VAV3: variants seen among roughly 807,000 people sequenced by gnomAD.
The protein encoded by VAV3 is guanine nucleotide exchange factor VAV3.
Under a neutral mutation model 131.2 loss-of-function variants are expected in VAV3, and 94 were observed. The observed-to-expected ratio is 0.72, with a 90% CI of 0.61 to 0.85. The LOEUF (loss-of-function observed/expected upper bound fraction) is 0.85. Among genes scored for constraint, VAV3 ranks in the 40% least tolerant of loss-of-function variants. The pLI is 0.00. For synonymous variants in VAV3, 349 were observed against 342.0 expected (o/e 1.02, Z -0.22); for missense variants, 939 against 1,002.7 (o/e 0.94, Z 0.86).
At chr1:107,593,298 A>G (rs1475139928) in intron 25 of VAV3, among the ~76,000 whole-genome samples, 1 of 152,138 alleles carries the variant, frequency 6.6e-6, no homozygotes, top group Non-Finnish European at 1.5e-5. Flanking sequence ...TTCTACGAAC[A>G]TTCTAACCTA....
intron 2 of VAV3, among the ~76,000 whole-genome samples, chr1:107,869,594 G>A (rs1670162086): frequency 1.3e-5 from 2 of 152,108 alleles, no homozygotes; most frequent in South Asian, 4.1e-4. Context: ...CTAATAGGGA[G>A]CTTAACTGGA....
At chr1:107,620,643 GCTGA>G (rs1304628754) in intron 20 of VAV3, among the ~76,000 whole-genome samples, 2 of 152,144 alleles carry the variant, frequency 1.3e-5, no homozygotes, top group African/African-American at 4.8e-5. Flanking sequence ...CAAGGATTAA[GCTGA>G]CTGTTTCTAT....
chr1:107,657,481 AGAAAAGGACG>A (rs1656656113), intron 19 of VAV3, among the ~76,000 whole-genome samples: 1 of 152,222 alleles, frequency 6.6e-6, no homozygotes, highest in South Asian at 2.1e-4. Flanking sequence ...TGAGCACTAT[AGAAAAGGACG>A]GCTAAGAAAG....
At chr1:107,844,520 T>A (rs1420135633) in intron 2 of VAV3, among the ~76,000 whole-genome samples, 1 of 152,176 alleles carries the variant, frequency 6.6e-6, no homozygotes, top group Non-Finnish European at 1.5e-5. Context: ...CCGAGTGGTC[T>A]TGCTCATCAG....
intron 2 of VAV3, among the ~76,000 whole-genome samples, chr1:107,830,976 C>T (rs1668223217): frequency 6.6e-6 from 1 of 152,182 alleles, no homozygotes. Flanking sequence ...AAAATCTTCA[C>T]TCACTATAAG....
chr1:107,805,661 T>G lies in VAV3; in HGVS notation c.322-26169A>C, dbSNP rs1430192869. Among the ~76,000 whole-genome samples the G allele has an allele frequency of 3.3e-5, 5 of 152,336 alleles. No individual in the cohort carries two copies. The East Asian group carries it at 9.6e-4, about 29-fold the overall frequency. ...TTGCTGTTTCATTAGGTTTGGTCAC[T>G]GGTTCCCTTCTTTGTCCATTTGGGG... is the stretch of plus-strand genomic sequence containing the variant. On this transcript the variant is annotated intron_variant, in intron 2 of 26. Transcript: ENST00000370056.
At chr1:107,671,691 GA>G (rs1657804754) in intron 19 of VAV3, among the ~76,000 whole-genome samples, 1 of 152,018 alleles carries the variant, frequency 6.6e-6, no homozygotes, top group Admixed American at 6.6e-5. Flanking sequence ...GAGCTACTCT[GA>G]ACTCAAAAGG....
At chr1:107,809,721 T>C (rs1667230052) in intron 2 of VAV3, among the ~76,000 whole-genome samples, 1 of 152,200 alleles carries the variant, frequency 6.6e-6, no homozygotes, top group South Asian at 2.1e-4. Flanking sequence ...ACAATGCATT[T>C]TTGTAGGCAA....
At chr1:107,642,894 A>T (rs1238059555) in intron 19 of VAV3, 139 bp from the exon 20 acceptor site, 22 of 1,190,292 alleles carry the variant, frequency 1.8e-5, no homozygotes, top group Non-Finnish European at 1.7e-5. Context: ...AAGTAACTAT[A>T]ATAGAATGAT....
At chr1:107,757,179 G>GTC (rs1664155003) in intron 11 of VAV3, 82 bp downstream of exon 11, 2 of 839,428 alleles carry the variant, frequency 2.4e-6, no homozygotes, top group Non-Finnish European at 3.9e-6. Context: ...GTGTGTGTGT[G>GTC]TGTGTGTGTA....
chr1:107,666,572 C>CT (rs561256376), intron 19 of VAV3, among the ~76,000 whole-genome samples: 50,318 of 138,230 alleles, frequency 0.36, 9,769 homozygotes, highest in African/African-American at 0.5. Context: ...TCATTTGAGA[C>CT]TTTTTTTTTT....
chr1:107,788,756 C>A (rs72981429), intron 2 of VAV3, among the ~76,000 whole-genome samples: 2 of 152,230 alleles, frequency 1.3e-5, no homozygotes, highest in African/African-American at 4.8e-5. Context: ...AAACTTAGTA[C>A]GCAAATGATA....
intron 15 of VAV3, among the ~76,000 whole-genome samples, chr1:107,741,137 C>T (rs890651808): frequency 2.6e-5 from 4 of 152,218 alleles, no homozygotes; most frequent in Non-Finnish European, 5.9e-5. Flanking sequence ...CATGCAGATA[C>T]TGTAGGCATC....
chr1:107,930,664 ATTGT>A (rs1673388726), intron 1 of VAV3, among the ~76,000 whole-genome samples: 3 of 152,310 alleles, frequency 2.0e-5, no homozygotes, highest in African/African-American at 7.2e-5. Context: ...GTCCTAAAAA[ATTGT>A]TTTAGGCAAA....
At chr1:107,889,159 G>GTGTGTC (rs1416925890) in intron 1 of VAV3, among the ~76,000 whole-genome samples, 15 of 151,618 alleles carry the variant, frequency 9.9e-5, no homozygotes, top group Admixed American at 8.5e-4. Flanking sequence ...GTGTGTGTGT[G>GTGTGTC]TGTGTGTGTG....
intron 1 of VAV3, among the ~76,000 whole-genome samples, chr1:107,941,127 CACTT>C (rs1018536271): frequency 6.6e-6 from 1 of 152,148 alleles, no homozygotes; most frequent in African/African-American, 2.4e-5. Flanking sequence ...GAGCATCACT[CACTT>C]CTTTCAAAGT....
intron 21 of VAV3, among the ~76,000 whole-genome samples, chr1:107,614,539 C>A (rs563872831): frequency 6.6e-6 from 1 of 151,822 alleles, no homozygotes; most frequent in Non-Finnish European, 1.5e-5. Flanking sequence ...TAATATAAAA[C>A]AACCATATTT....
chr1:107,665,849 G>A (rs559182425), intron 19 of VAV3, among the ~76,000 whole-genome samples: 3 of 152,258 alleles, frequency 2.0e-5, no homozygotes, highest in African/African-American at 7.2e-5. Flanking sequence ...AAAATGCATG[G>A]CAGCTCTTGC....
intron 24 of VAV3, among the ~76,000 whole-genome samples, chr1:107,598,986 T>C (rs1055303491): frequency 6.6e-5 from 10 of 152,216 alleles, no homozygotes; most frequent in Non-Finnish European, 8.8e-5. Flanking sequence ...ATAGGTAATA[T>C]GAATTTTATG....
Sources: gnomAD v4.1 joint callset for allele counts (sites outside exome capture counted in the v4.1 genomes callset) on GRCh38, gnomAD v4.1.1 for gene constraint, MANE v1.5 for transcripts, NCBI Gene and HGNC (gene_info 2026-07-23, HGNC 2026-07-21) for gene names.